Variants in PPP3R1 observed in about 807,000 individuals in gnomAD.
PPP3R1 encodes the protein calcineurin subunit B type 1.
A neutral mutation model predicts 22.6 loss-of-function variants in PPP3R1; 5 were observed. The observed-to-expected ratio is 0.22, with a 90% CI of 0.12 to 0.46. PPP3R1 has a LOEUF of 0.46. PPP3R1 is among the 20% of genes least tolerant of loss of function. The pLI is 0.99. For synonymous variants in PPP3R1, 56 were observed against 65.2 expected, an observed-to-expected ratio of 0.86 and a Z score of 0.68; for missense variants, 61 against 203.2, an observed-to-expected ratio of 0.30 and a Z score of 4.25.
intron 5 of PPP3R1, among the ~76,000 whole-genome samples, chr2:68,184,417 C>A (rs909421852): frequency 6.6e-6 from 1 of 152,178 alleles, no homozygotes; most frequent in Non-Finnish European, 1.5e-5. Flanking sequence ...CTCTTCTCTG[C>A]TCTTCATTTT....
At chr2:68,212,689 G>A (rs1669510956) in intron 2 of PPP3R1, among the ~76,000 whole-genome samples, 1 of 152,198 alleles carries the variant, frequency 6.6e-6, no homozygotes, top group South Asian at 2.1e-4. Context: ...AAACCATGCT[G>A]TAAACAGCTG....
At chr2:68,191,447 T>A (rs893100925) in intron 2 of PPP3R1, among the ~76,000 whole-genome samples, 32 of 152,322 alleles carry the variant, frequency 2.1e-4, no homozygotes, top group African/African-American at 7.7e-4. Context: ...GTATAGGGCA[T>A]TTACCATGAA....
At chr2:68,188,169 C>CA (rs987882486) in intron 3 of PPP3R1, among the ~76,000 whole-genome samples, 5 of 151,792 alleles carry the variant, frequency 3.3e-5, no homozygotes, top group Admixed American at 1.3e-4. Flanking sequence ...GACTCCATCT[C>CA]AAAAAAATTA....
intron 1 of PPP3R1, among the ~76,000 whole-genome samples, chr2:68,232,617 T>C (rs962549796): frequency 3.3e-5 from 5 of 151,990 alleles, no homozygotes; most frequent in African/African-American, 1.2e-4. Context: ...GTTGTTGTTG[T>C]TGTTTTTGAG....
chr2:68,195,268 T>C (rs1007348828), intron 2 of PPP3R1, among the ~76,000 whole-genome samples: 1 of 152,188 alleles, frequency 6.6e-6, no homozygotes, highest in Non-Finnish European at 1.5e-5. Flanking sequence ...ATCCAGTATT[T>C]TGTAAAACTT....
chr2:68,250,295 G>A (rs1311702659), intron 1 of PPP3R1, among the ~76,000 whole-genome samples: 2 of 152,114 alleles, frequency 1.3e-5, no homozygotes, highest in Non-Finnish European at 2.9e-5. Flanking sequence ...AGAGTTAACA[G>A]GAAAATAAGA....
chr2:68,236,094 G>A (rs1314068790), intron 1 of PPP3R1, among the ~76,000 whole-genome samples: 2 of 152,016 alleles, frequency 1.3e-5, no homozygotes, highest in Admixed American at 6.6e-5. Flanking sequence ...TTTCTTATCA[G>A]ATAACGATTT....
At position 68,188,509 on chromosome 2, in the gene PPP3R1, C is replaced by A; in HGVS notation, c.220+5G>T. 6.4e-7 allele frequency: 1 copy of A among 1,569,134 alleles called. No homozygotes were observed. Among genetic ancestry groups the A allele is most frequent in the Non-Finnish European group, 8.6e-7 (1 of 1,157,820 alleles). ...TGTGGTTATAAAAAATAACTACTTT[C>A]TTACCTTTAAAGTCTACTTCTCCAT... On this transcript the variant is annotated splice_donor_5th_base_variant and intron_variant, in intron 3 of 5. Coordinates refer to ENST00000234310, the MANE Select transcript of PPP3R1 (RefSeq NM_000945.4).
chr2:68,195,082 A>T (rs1283663744), intron 2 of PPP3R1, among the ~76,000 whole-genome samples: 1 of 152,106 alleles, frequency 6.6e-6, no homozygotes, highest in African/African-American at 2.4e-5. Context: ...AGCCAATGTT[A>T]ATTTCTTGAT....
chr2:68,252,069 A>G (rs1670375240), intron 1 of PPP3R1, 56 bp downstream of exon 1: 1 of 1,370,616 alleles, frequency 7.3e-7, no homozygotes, highest in Non-Finnish European at 9.6e-7. Flanking sequence ...CCCGCACCCG[A>G]CCCGGACGGC....
rs1675123814 is a variant in PPP3R1, at chr2:68,206,278, G to T, written c.43+10814C>A. On this transcript the variant is annotated intron_variant, in intron 2 of 5. Transcript: ENST00000234310. The stretch of plus-strand genomic sequence containing the variant: ...AAACTTAACAAAGTAAGATCCTAGA[G>T]ATGAGATAGCACAAGATCAAAAGCA... Among the ~76,000 whole-genome samples the T allele has an allele frequency of 2.0e-5, 3 of 152,264 alleles. No homozygotes were observed. The South Asian group carries it at 6.2e-4, about 32-fold the overall frequency.
At chr2:68,205,908 C>G (rs1460766391) in intron 2 of PPP3R1, among the ~76,000 whole-genome samples, 1 of 152,118 alleles carries the variant, frequency 6.6e-6, no homozygotes, top group Non-Finnish European at 1.5e-5. Flanking sequence ...CAACCTCCAC[C>G]TCCTGGGTTC....
intron 1 of PPP3R1, among the ~76,000 whole-genome samples, chr2:68,220,342 C>A (rs992552863): frequency 3.9e-5 from 6 of 152,152 alleles, no homozygotes; most frequent in Non-Finnish European, 7.4e-5. Context: ...CCAGTCTCTG[C>A]ATAAGTTTGA....
chr2:68,193,905 T>C (rs1404063039), intron 2 of PPP3R1, among the ~76,000 whole-genome samples: 2 of 152,108 alleles, frequency 1.3e-5, no homozygotes, highest in Non-Finnish European at 2.9e-5. Flanking sequence ...TCATTAAATA[T>C]ATTTTTTTCC....
intron 5 of PPP3R1, among the ~76,000 whole-genome samples, chr2:68,185,478 G>T (rs954912697): frequency 2.1e-5 from 3 of 145,884 alleles, no homozygotes. Flanking sequence ...TTATATATAT[G>T]TAAAATATAC....
intron 5 of PPP3R1, among the ~76,000 whole-genome samples, chr2:68,181,392 C>CAAA (rs70949678): frequency 9.3e-6 from 1 of 107,490 alleles, no homozygotes; most frequent in Non-Finnish European, 2.0e-5. Context: ...GACTCCATCT[C>CAAA]AAAAAAAAAA....
At chr2:68,249,182 A>T (rs1450480765) in intron 1 of PPP3R1, among the ~76,000 whole-genome samples, 3 of 152,218 alleles carry the variant, frequency 2.0e-5, no homozygotes, top group Non-Finnish European at 4.4e-5. Context: ...ACCCTTAGTC[A>T]GCTTCTTTAC....
intron 1 of PPP3R1, among the ~76,000 whole-genome samples, chr2:68,235,067 T>A (rs1338492885): frequency 1.3e-5 from 2 of 151,970 alleles, no homozygotes; most frequent in Non-Finnish European, 2.9e-5. Flanking sequence ...GAATGAAAAA[T>A]TGAGTAACGA....
intron 1 of PPP3R1, among the ~76,000 whole-genome samples, chr2:68,229,960 A>G (rs1373533962): frequency 1.0e-4 from 11 of 105,604 alleles, no homozygotes; most frequent in South Asian, 7.1e-4. Flanking sequence ...GTGTGTGTGT[A>G]TATATACACA....
Sources: allele counts gnomAD v4.1 joint callset (sites outside exome capture counted in the v4.1 genomes callset), GRCh38; gene constraint gnomAD v4.1.1; transcripts MANE v1.5; gene names NCBI Gene and HGNC (gene_info 2026-07-23, HGNC 2026-07-21).